The following SNX30 variants were observed in gnomAD, a reference collection of about 807,000 sequenced individuals.
The protein encoded by SNX30 is sorting nexin-30.
Under a neutral mutation model 46.4 loss-of-function variants are expected in SNX30, and 24 were observed. The observed-to-expected ratio is 0.52, with a 90% CI of 0.37 to 0.73. SNX30 has a LOEUF of 0.73. Ranked by LOEUF, SNX30 falls within the 30% of genes least tolerant of loss-of-function variation. The pLI is 0.00. For missense variants in SNX30, 533 were observed against 555.7 expected, an observed-to-expected ratio of 0.96 and a Z score of 0.41; for synonymous variants, 189 against 211.5, an observed-to-expected ratio of 0.89 and a Z score of 0.92.
chr9:112,777,771 A>G (rs1000316959), intron 1 of SNX30, among the ~76,000 whole-genome samples: 1 of 152,016 alleles, frequency 6.6e-6, no homozygotes, highest in African/African-American at 2.4e-5. Flanking sequence ...AATAGTATTA[A>G]CAGCAACAGC....
At chr9:112,762,847 C>A (rs746403407) in intron 1 of SNX30, among the ~76,000 whole-genome samples, 2 of 152,246 alleles carry the variant, frequency 1.3e-5, no homozygotes, top group Non-Finnish European at 2.9e-5. Flanking sequence ...CTTTACCCCA[C>A]GGAGGAAGCC....
chr9:112,864,842 T>G (rs375269167), intron 8 of SNX30, among the ~76,000 whole-genome samples: 4 of 152,134 alleles, frequency 2.6e-5, no homozygotes, highest in African/African-American at 9.7e-5. Context: ...CAAAATACTG[T>G]GCATTTGTTT....
intron 7 of SNX30, among the ~76,000 whole-genome samples, chr9:112,855,093 C>T (rs1027559125): frequency 6.6e-6 from 1 of 152,228 alleles, no homozygotes; most frequent in Non-Finnish European, 1.5e-5. Flanking sequence ...CTCCACACAC[C>T]TGTCCTCCCC....
intron 2 of SNX30, among the ~76,000 whole-genome samples, chr9:112,809,831 T>C (rs769880883): frequency 9.9e-5 from 15 of 151,368 alleles, no homozygotes; most frequent in Non-Finnish European, 1.9e-4. Flanking sequence ...TAGAGAGCAG[T>C]GGTCAGAAGT....
At chr9:112,830,008 T>C (rs565991054) in intron 3 of SNX30, among the ~76,000 whole-genome samples, 1 of 152,306 alleles carries the variant, frequency 6.6e-6, no homozygotes, top group Admixed American at 6.5e-5. Flanking sequence ...TTCCCTGTGG[T>C]AGTAATAATG....
intron 3 of SNX30, among the ~76,000 whole-genome samples, chr9:112,823,159 C>T (rs1840531865): frequency 6.6e-6 from 1 of 152,156 alleles, no homozygotes; most frequent in Admixed American, 6.5e-5. Flanking sequence ...AACACAGTGA[C>T]ACCTTGTTTC....
At chr9:112,822,997 G>T (rs1840528692) in intron 3 of SNX30, among the ~76,000 whole-genome samples, 1 of 51,528 alleles carries the variant, frequency 1.9e-5, no homozygotes, top group African/African-American at 6.6e-5. Context: ...TGTTATAATT[G>T]TTCTGTTTTA....
chr9:112,824,076 A>G (rs1840544885), intron 3 of SNX30, among the ~76,000 whole-genome samples: 1 of 152,224 alleles, frequency 6.6e-6, no homozygotes, highest in African/African-American at 2.4e-5. Flanking sequence ...GAAGCAAGTC[A>G]TTTGCTGACG....
rs1447378878 is a variant in SNX30, at chr9:112,874,057, GATTGTTCGCAGTC to G, written c.*5215_*5227del. ...AGCAACACCCCTGTTGGACAGGATT[GATTGTTCGCAGTC>G]TTAGACCAACACTTCAGTCAGAAAT... is the stretch of plus-strand genomic sequence containing the variant. On this transcript the variant is annotated 3_prime_UTR_variant, in exon 9 of 9. Coordinates refer to ENST00000374232, the MANE Select transcript of SNX30 (RefSeq NM_001012994.2). 1 of 152,192 alleles carries G rather than the reference GATTGTTCGCAGTC, an allele frequency of 6.6e-6. No individual in the cohort carries two copies. The highest frequency in any genetic ancestry group is 1.5e-5 in the Non-Finnish European group (1 of 68,032). The allele number at this position is 152,192 out of a possible 1,614,324, so 9.4% of individuals were successfully genotyped here.
intron 6 of SNX30, among the ~76,000 whole-genome samples, chr9:112,840,770 C>A (rs1043498863): frequency 6.7e-6 from 1 of 148,878 alleles, no homozygotes; most frequent in Non-Finnish European, 1.5e-5. Flanking sequence ...TGAGCCACTG[C>A]GCCTGGCTGA....
chr9:112,841,686 CTG>C (rs1840861896), intron 6 of SNX30, among the ~76,000 whole-genome samples: 1 of 152,192 alleles, frequency 6.6e-6, no homozygotes, highest in South Asian at 2.1e-4. Context: ...AAAGCAAAGA[CTG>C]TGTCTGGGAT....
chr9:112,804,863 G>A lies in SNX30; in HGVS notation c.244G>A (p.Asp82Asn), dbSNP rs781101457. Residue 82 changes from aspartate (D) to asparagine (N), a missense_variant, in exon 2 of 9, where the codon GAT (aspartate) becomes AAT (asparagine). Physicochemically the swap from Asp to Asn is conservative, Grantham distance 23. Coordinates refer to ENST00000374232, the MANE Select transcript of SNX30 (RefSeq NM_001012994.2). ...CCTTCTCAACAGACTTCAGCTTGAT[G>A]ATGATATTGATGGTGAGACTAGAGA... Reference protein sequence around the residue: ...SSLLNRLQLDDDIDGETRDLF... With the variant: ...SSLLNRLQLDNDIDGETRDLF... 5.6e-6 allele frequency: 9 copies of A among 1,614,064 alleles called. No homozygotes were observed. In the East Asian group the frequency reaches 1.6e-4, roughly 28 times the overall value.
At chr9:112,868,735 G>A (rs759277756) in intron 8 of SNX30, 49 bp from the exon 9 acceptor site, 12 of 1,608,740 alleles carry the variant, frequency 7.5e-6, no homozygotes, top group Middle Eastern at 1.6e-4. Context: ...AAGCTGACCC[G>A]AAATCGGAAA....
exon 5 of SNX30, chr9:112,880,176 C>T: frequency 6.0e-6 from 1 of 166,518 alleles, no homozygotes; most frequent in Non-Finnish European, 1.3e-5. Context: ...ACTAAAAATA[C>T]AAAAATTAGC....
chr9:112,811,876 G>A (rs147784491), intron 2 of SNX30, among the ~76,000 whole-genome samples: 309 of 152,242 alleles, frequency 2.0e-3, no homozygotes, highest in African/African-American at 6.2e-3. Context: ...AGAGATAAAT[G>A]TATATTTTTA....
chr9:112,865,828 A>G (rs1820236306), intron 8 of SNX30, among the ~76,000 whole-genome samples: 1 of 151,236 alleles, frequency 6.6e-6, no homozygotes. Context: ...CCCAGGTTGG[A>G]GTGCAGTAGT....
chr9:112,768,649 T>TC (rs57756894), intron 1 of SNX30, among the ~76,000 whole-genome samples: 72,409 of 92,958 alleles, frequency 0.78, 29,829 homozygotes, highest in South Asian at 0.86. Flanking sequence ...TCTTTCTTCT[T>TC]TTTTTTTTTT....
At chr9:112,771,233 CA>C (rs1839644167) in intron 1 of SNX30, among the ~76,000 whole-genome samples, 1 of 152,148 alleles carries the variant, frequency 6.6e-6, no homozygotes, top group Non-Finnish European at 1.5e-5. Context: ...GTGGAGTATA[CA>C]GATATTTGGT....
At chr9:112,785,824 T>A (rs1463046986) in intron 1 of SNX30, among the ~76,000 whole-genome samples, 1 of 152,148 alleles carries the variant, frequency 6.6e-6, no homozygotes, top group Non-Finnish European at 1.5e-5. Context: ...AGCCTAGGAA[T>A]GTAATTTTTA....
Sources: gnomAD v4.1 joint callset for allele counts (sites outside exome capture counted in the v4.1 genomes callset) on GRCh38, gnomAD v4.1.1 for gene constraint, MANE v1.5 for transcripts, NCBI Gene and HGNC (gene_info 2026-07-23, HGNC 2026-07-21) for gene names.